Variants in LAMB1 observed in about 807,000 individuals in gnomAD.
LAMB1 encodes laminin subunit beta-1.
LAMB1 carries 121 observed loss-of-function variants against 222.3 expected under a neutral mutation model. That is an observed-to-expected ratio of 0.54 (90% confidence interval 0.47 to 0.63). The LOEUF (loss-of-function observed/expected upper bound fraction) is 0.63, where lower values mean the gene tolerates loss of function less well. Ranked by LOEUF, LAMB1 falls within the 30% of genes least tolerant of loss-of-function variation. LAMB1 has a pLI of 0.00. For synonymous variants in LAMB1, 794 were observed against 807.2 expected (o/e 0.98, Z 0.28); for missense variants, 2,172 against 2,240.8 (o/e 0.97, Z 0.62).
intron 24 of LAMB1, chr7:107,950,987 C>T: frequency 2.6e-6 from 1 of 390,968 alleles, no homozygotes; most frequent in Non-Finnish European, 4.7e-6. Flanking sequence ...CAAACTTTAC[C>T]CCAGGGTGTG....
intron 13 of LAMB1, among the ~76,000 whole-genome samples, chr7:107,969,364 T>C (rs996914525): frequency 6.6e-6 from 1 of 151,504 alleles, no homozygotes; most frequent in African/African-American, 2.4e-5. Flanking sequence ...TGGTGGTGAA[T>C]AAAGAAAATG....
chr7:108,002,484 G>C (rs553298748), intron 2 of LAMB1: 2 of 1,218,194 alleles, frequency 1.6e-6, no homozygotes, highest in East Asian at 4.0e-5. Flanking sequence ...CACTCTCCTG[G>C]GCAATGGATT....
Position 107,990,415 on chromosome 7 carries a change from C to T in LAMB1, c.424-4052G>A, listed in dbSNP as rs192128764. On this transcript the variant is annotated intron_variant, in intron 5 of 33. Coordinates refer to ENST00000222399, the MANE Select transcript of LAMB1 (RefSeq NM_002291.3). ...ACATGCTAAATGAGCTTTTGCTAGT[C>T]TAAATCCACTTAGCAATTAGCCATC... is the stretch of plus-strand genomic sequence containing the variant. 2.5e-4 allele frequency among the ~76,000 whole-genome samples: 38 copies of T among 152,234 alleles called. 1 individual carries two copies. In the East Asian group the frequency reaches 4.4e-3, roughly 18 times the overall value.
At chr7:107,953,395 G>GT in intron 22 of LAMB1, 135 bp downstream of exon 22, 1 of 692,814 alleles carries the variant, frequency 1.4e-6, no homozygotes, top group South Asian at 1.9e-5. Flanking sequence ...TCTTTCCTTA[G>GT]TTGAAAGTGA....
chr7:107,960,709 A>G, intron 17 of LAMB1, 60 bp from the exon 18 acceptor site: 1 of 1,452,898 alleles, frequency 6.9e-7, no homozygotes, highest in East Asian at 2.3e-5. Flanking sequence ...CATGGGTTTA[A>G]GCAAGCAAAC....
At chr7:107,964,903 CTCCCTT>C (rs2033598443) in intron 13 of LAMB1, among the ~76,000 whole-genome samples, 1 of 152,228 alleles carries the variant, frequency 6.6e-6, no homozygotes, top group African/African-American at 2.4e-5. Context: ...TCGGTTTTAC[CTCCCTT>C]GCCCTCTCTT....
Position 107,932,323 on chromosome 7 carries a change from T to A in LAMB1, c.4243A>T (p.Asn1415Tyr). 6.2e-7 allele frequency: 1 copy of A among 1,614,190 alleles called. No individual in the cohort carries two copies. The highest frequency in any genetic ancestry group is 8.5e-7 in the Non-Finnish European group (1 of 1,180,042). ...SCSETECGGPNCRTDEGERKC... is the reference protein window; with the variant it reads ...SCSETECGGPYCRTDEGERKC... ...CTCTCTCCTTCGTCAGTTCTGCAGT[T>A]TGGCCCGCCACATTCAGTCTCGGAA... is the stretch of plus-strand genomic sequence containing the variant. Residue 1415 changes from asparagine (N) to tyrosine (Y), a missense_variant, in exon 28 of 34, where the codon AAC (asparagine) becomes TAC (tyrosine). Physicochemically the swap from Asn to Tyr is moderately radical, Grantham distance 143. Coordinates refer to ENST00000222399, the MANE Select transcript of LAMB1 (RefSeq NM_002291.3).
intron 24 of LAMB1, among the ~76,000 whole-genome samples, chr7:107,947,929 T>C (rs2033152853): frequency 6.6e-6 from 1 of 151,792 alleles, no homozygotes; most frequent in Non-Finnish European, 1.5e-5. Flanking sequence ...GGAGAGACAG[T>C]ATCTACTTTA....
chr7:107,968,147 G>A (rs1027102700), intron 13 of LAMB1, among the ~76,000 whole-genome samples: 12 of 151,954 alleles, frequency 7.9e-5, no homozygotes, highest in African/African-American at 2.2e-4. Flanking sequence ...CTCACTAATC[G>A]CACCTTTCAA....
Position 107,926,370 on chromosome 7 carries a change from G to A in LAMB1, c.4888-11C>T. 2 of 1,608,720 alleles carry A rather than the reference G, an allele frequency of 1.2e-6. No homozygotes were observed. Among genetic ancestry groups the A allele is most frequent in the Middle Eastern group, 1.7e-4 (1 of 6,030 alleles). On this transcript the variant is annotated splice_polypyrimidine_tract_variant and intron_variant, in intron 31 of 33. Coordinates refer to ENST00000222399, the MANE Select transcript of LAMB1 (RefSeq NM_002291.3). The stretch of plus-strand genomic sequence containing the variant: ...TGTTTCAGACTCAATCTAAAAGCAT[G>A]TCAATTTTCCAGCAAGACATTAGTT...
intron 22 of LAMB1, 138 bp downstream of exon 22, chr7:107,953,391 CT>C (rs2033301744): frequency 1.5e-6 from 1 of 675,284 alleles, no homozygotes; most frequent in African/African-American, 1.8e-5. Context: ...CTCATCTTTC[CT>C]TAGTTGAAAG....
At chr7:107,966,782 A>C (rs2033645472) in intron 13 of LAMB1, among the ~76,000 whole-genome samples, 1 of 152,216 alleles carries the variant, frequency 6.6e-6, no homozygotes, top group African/African-American at 2.4e-5. Flanking sequence ...GTGAGGACAA[A>C]GGCGCCAGCA....
At chr7:107,972,587 C>CAAAAAAAA (rs60255621) in intron 13 of LAMB1, among the ~76,000 whole-genome samples, 1 of 132,694 alleles carries the variant, frequency 7.5e-6, no homozygotes, top group Non-Finnish European at 1.7e-5. Context: ...TTGGAAGTCA[C>CAAAAAAAA]AAAAAAAAAA....
rs535589708 is a variant in LAMB1 at position 107,951,043 on chromosome 7, G to A, written c.3391+183C>T. The A allele has an allele frequency of 8.9e-6, 5 of 564,092 alleles. No homozygotes were observed. The South Asian group carries it at 1.1e-4, about 12-fold the overall frequency. The allele number at this position is 564,092 out of a possible 1,614,324, so 34.9% of individuals were successfully genotyped here. On this transcript the variant is annotated intron_variant, in intron 24 of 33. Transcript: ENST00000222399. ...TCCACTCTTGACTACCTATACTTAT[G>A]GGCAGGGCTAGATTTGTTAGATTGT...
Position 107,960,182 on chromosome 7 carries a change from C to T in LAMB1, c.2314+263G>A, listed in dbSNP as rs2033467352. 2.0e-5 allele frequency among the ~76,000 whole-genome samples: 3 copies of T among 152,280 alleles called. No homozygotes were observed. In the South Asian group the frequency reaches 6.2e-4, roughly 32 times the overall value. ...CTGATTCCATTCCCCTCTCCCTACC[C>T]TGCTTATGGAAATGCTTTATCCTCA... On this transcript the variant is annotated intron_variant, in intron 18 of 33. Coordinates refer to ENST00000222399, the MANE Select transcript of LAMB1 (RefSeq NM_002291.3).
Position 108,001,736 on chromosome 7 carries a change from G to A in LAMB1, c.38-3C>T. ...GCGCACTCGGGCTCTGCACAGGGCT[G>A]CGGGAAGGACAGGCAACAGAGTTGG... On this transcript the variant is annotated splice_polypyrimidine_tract_variant and splice_region_variant and intron_variant, in intron 2 of 33. Coordinates refer to ENST00000222399, the MANE Select transcript of LAMB1 (RefSeq NM_002291.3). 1 of 1,612,528 alleles carries A rather than the reference G, an allele frequency of 6.2e-7. No individual in the cohort carries two copies. Among genetic ancestry groups the A allele is most frequent in the Non-Finnish European group, 8.5e-7 (1 of 1,179,658 alleles).
intron 22 of LAMB1, among the ~76,000 whole-genome samples, chr7:107,952,671 T>G (rs2033283291): frequency 6.6e-6 from 1 of 152,198 alleles, no homozygotes; most frequent in Non-Finnish European, 1.5e-5. Context: ...CCAGTCCTGC[T>G]GGTCCCTAGC....
chr7:107,924,385 A>G lies in LAMB1; in HGVS notation c.5069T>C (p.Leu1690Ser), dbSNP rs201564424. The G allele has an allele frequency of 3.6e-5, 57 of 1,603,934 alleles. No individual in the cohort carries two copies. The East Asian group carries it at 8.3e-4, about 23-fold the overall frequency. ...KQSAEDVKKT[L>S]DGELDEKYKK... Reference sequence around the variant, plus strand: ...ATACTTTTCATCAAGTTCACCATCTAAAGTCTATAGTTCCACATTTAGACA... The same window carrying G: ...ATACTTTTCATCAAGTTCACCATCTGAAGTCTATAGTTCCACATTTAGACA... The change falls in exon 33 of 34, where the codon TTA (leucine) becomes TCA (serine). Residue 1690 changes from leucine to serine, a missense_variant. Transcript: ENST00000222399.
At chr7:107,951,904 G>T in intron 23 of LAMB1, 105 bp downstream of exon 23, 1 of 926,534 alleles carries the variant, frequency 1.1e-6, no homozygotes. Context: ...AGGCCACGCT[G>T]TGTTTCAAGC....
Sources: gnomAD v4.1 joint callset for allele counts (sites outside exome capture counted in the v4.1 genomes callset) on GRCh38, gnomAD v4.1.1 for gene constraint, MANE v1.5 for transcripts, NCBI Gene and HGNC (gene_info 2026-07-23, HGNC 2026-07-21) for gene names.